MAP3K19: variants seen among roughly 807,000 people sequenced by gnomAD.
The protein encoded by MAP3K19 is mitogen-activated protein kinase kinase kinase 19.
In MAP3K19, 91 loss-of-function variants were observed where a neutral mutation model predicts 114.4. That is an observed-to-expected ratio of 0.80 (90% CI 0.67 to 0.95). The LOEUF (loss-of-function observed/expected upper bound fraction) is 0.95. Among genes scored for constraint, MAP3K19 ranks in the 40% least tolerant of loss-of-function variants. The probability of loss-of-function intolerance (pLI) is 0.00; values close to 1 mark genes in which losing one functional copy is unlikely to be tolerated. For synonymous variants in MAP3K19, 518 were observed against 530.5 expected, an observed-to-expected ratio of 0.98 and a Z score of 0.32; for missense variants, 1,471 against 1,573.2, an observed-to-expected ratio of 0.94 and a Z score of 1.10.
chr2:135,008,664 C>A (rs950519481), intron 5 of MAP3K19, among the ~76,000 whole-genome samples: 2 of 152,166 alleles, frequency 1.3e-5, no homozygotes, highest in Admixed American at 6.5e-5. Context: ...TATTTATAAT[C>A]CACCAGCAGT....
At position 134,980,688 on chromosome 2, in the gene MAP3K19, C is replaced by T. The variant is rs576260866; in HGVS notation, c.3920+133G>A. 8.4e-5 allele frequency: 63 copies of T among 753,612 alleles called. No individual in the cohort carries two copies. In the Middle Eastern group the frequency reaches 1.2e-3, roughly 14 times the overall value. 46.7% of individuals were successfully genotyped at this position (753,612 alleles called of 1,614,324 possible). A position where few individuals can be genotyped will look rare whatever the true frequency, so the allele number is the denominator to read the frequency against. ...CAATATGACTGATTATGATTACTTTCGGCACAAAATCACTGTCTACTTGAC... is the reference window on the plus strand; with the variant it reads ...CAATATGACTGATTATGATTACTTTTGGCACAAAATCACTGTCTACTTGAC... On this transcript the variant is annotated intron_variant, in intron 12 of 12. Coordinates refer to ENST00000392915, the MANE Select transcript of MAP3K19 (RefSeq NM_025052.5).
intron 9 of MAP3K19, 64 bp downstream of exon 9, chr2:134,991,473 T>C (rs753425044): frequency 7.1e-7 from 1 of 1,413,508 alleles, no homozygotes; most frequent in South Asian, 1.1e-5. Context: ...GATTTGGTTC[T>C]AAATTAGTGA....
Position 134,999,953 on chromosome 2 carries a change from C to T in MAP3K19, c.298G>A (p.Asp100Asn). Reference protein sequence around the residue: ...VSPPQEMSQEDLKEKNLINSS... With the variant: ...VSPPQEMSQENLKEKNLINSS... ...ATTCCTTACTTCTTTTCTTTTAAGTCTTCTTGGCTCATTTCTTGGGGAGGA... is the reference window on the plus strand; with the variant it reads ...ATTCCTTACTTCTTTTCTTTTAAGTTTTCTTGGCTCATTTCTTGGGGAGGA... The change falls in exon 7 of 13, where the codon GAC becomes AAC. Residue 100 changes from aspartate to asparagine, a missense_variant. Physicochemically the swap from Asp to Asn is conservative, Grantham distance 23. Transcript: ENST00000392915. This position sits in a 1 kb window ranked among gnomAD's most constrained non-coding sequence, Gnocchi z 4.1. 1 of 1,608,980 alleles carries T rather than the reference C, an allele frequency of 6.2e-7. No homozygotes were observed. The highest frequency in any genetic ancestry group is 2.2e-5 in the East Asian group (1 of 44,800).
chr2:135,039,079 C>T (rs1688593086), intron 2 of MAP3K19, among the ~76,000 whole-genome samples: 1 of 150,368 alleles, frequency 6.7e-6, no homozygotes, highest in African/African-American at 2.5e-5. Flanking sequence ...TAATTTTTGG[C>T]CTGGGTGTTG....
At position 134,987,235 on chromosome 2, in the gene MAP3K19, T is replaced by C. The variant is rs1160900832; in HGVS notation, c.1637A>G (p.Lys546Arg). ...SKLDSKTKTS[K>R]KTPQNFVIST... ...AATCACAAAATTCTGAGGTGTCTTC[T>C]TACTTGTCTTGGTCTTTGAATCCAA... is the stretch of plus-strand genomic sequence containing the variant. The change falls in exon 10 of 13, where the codon AAG (lysine) becomes AGG (arginine). Residue 546 changes from lysine (K) to arginine (R), a missense_variant. By Grantham distance (26) the Lys-to-Arg change is conservative. Coordinates refer to ENST00000392915, the MANE Select transcript of MAP3K19 (RefSeq NM_025052.5). 6.2e-7 allele frequency: 1 copy of C among 1,614,192 alleles called. No individual in the cohort carries two copies. Among genetic ancestry groups the C allele is most frequent in the South Asian group, 1.1e-5 (1 of 91,080 alleles).
intron 6 of MAP3K19, among the ~76,000 whole-genome samples, chr2:135,002,189 TAG>T (rs1484969249): frequency 6.6e-6 from 1 of 152,078 alleles, no homozygotes; most frequent in South Asian, 2.1e-4. Flanking sequence ...AATATTACCA[TAG>T]AGAGAAATTA....
At chr2:135,037,408 G>A (rs1280870505) in intron 2 of MAP3K19, among the ~76,000 whole-genome samples, 2 of 152,202 alleles carry the variant, frequency 1.3e-5, no homozygotes, top group South Asian at 2.1e-4. Flanking sequence ...GCTGCTTGGA[G>A]TTCTGTTGAC....
chr2:135,026,375 G>A (rs1181303398), intron 3 of MAP3K19, among the ~76,000 whole-genome samples: 6 of 152,034 alleles, frequency 3.9e-5, no homozygotes, highest in Admixed American at 3.9e-4. Flanking sequence ...TTTATCAATT[G>A]GCCAAACTAT....
At position 135,032,765 on chromosome 2, in the gene MAP3K19, C is replaced by A. The variant is rs376699251; in HGVS notation, c.-283-2265G>T. On this transcript the variant is annotated intron_variant, in intron 2 of 12. Coordinates refer to ENST00000392915, the MANE Select transcript of MAP3K19 (RefSeq NM_025052.5). The stretch of plus-strand genomic sequence containing the variant: ...CCTAGGCAGAGGACCCTGCAGCCTT[C>A]CGCAGTGTTTGTGTCCCTGGGTACT... Among the ~76,000 whole-genome samples, 13 of 146,412 alleles carry A rather than the reference C, an allele frequency of 8.9e-5. No individual in the cohort carries two copies. The South Asian group carries it at 1.6e-3, about 18-fold the overall frequency.
intron 9 of MAP3K19, among the ~76,000 whole-genome samples, chr2:134,988,865 CTCT>C (rs1685362057): frequency 1.3e-5 from 2 of 152,028 alleles, no homozygotes; most frequent in Admixed American, 6.6e-5. Context: ...CATTTTATTT[CTCT>C]TCTTTTTTCT....
chr2:135,035,811 C>T (rs1246123757), intron 2 of MAP3K19, among the ~76,000 whole-genome samples: 2 of 152,138 alleles, frequency 1.3e-5, no homozygotes, highest in African/African-American at 4.8e-5. Context: ...ATCAAGTCAC[C>T]TTTCTATACT....
Position 134,986,588 on chromosome 2 carries a change from TA to T in MAP3K19, c.2283del (p.Ile762PhefsTer8). ...SNLHDIENGD[G>X]ISEPDWQIKS... ...TTTATCTGCCAGTCTGGTTCTGAAATACCATCACCATTTTCAATGTCATGTA... is the reference window on the plus strand; with the variant it reads ...TTTATCTGCCAGTCTGGTTCTGAAATCCATCACCATTTTCAATGTCATGTA... On this transcript the variant is annotated frameshift_variant, in exon 10 of 13. Coordinates refer to ENST00000392915, the MANE Select transcript of MAP3K19 (RefSeq NM_025052.5). LOFTEE classifies it high-confidence loss of function. 6.2e-7 allele frequency: 1 copy of T among 1,614,212 alleles called. No individual in the cohort carries two copies. Among genetic ancestry groups the T allele is most frequent in the Non-Finnish European group, 8.5e-7 (1 of 1,180,030 alleles).
intron 5 of MAP3K19, 46 bp downstream of exon 5, chr2:135,021,663 AAGTAGT>A: frequency 1.0e-6 from 1 of 954,214 alleles, no homozygotes; most frequent in Non-Finnish European, 1.6e-6. Context: ...AACACAAATA[AAGTAGT>A]AGATGGAGTA....
At chr2:135,019,005 G>A (rs894833880) in intron 5 of MAP3K19, among the ~76,000 whole-genome samples, 9 of 151,878 alleles carry the variant, frequency 5.9e-5, no homozygotes, top group African/African-American at 1.7e-4. Context: ...AAATTGCTTG[G>A]GAGGCAGAGG....
chr2:135,018,748 C>T (rs1687767773), intron 5 of MAP3K19, among the ~76,000 whole-genome samples: 1 of 152,004 alleles, frequency 6.6e-6, no homozygotes, highest in African/African-American at 2.4e-5. Context: ...GAACAACAGG[C>T]AAAAATACGT....
chr2:135,036,072 G>C (rs1348448784), intron 2 of MAP3K19, among the ~76,000 whole-genome samples: 1 of 152,070 alleles, frequency 6.6e-6, no homozygotes, highest in Non-Finnish European at 1.5e-5. Flanking sequence ...AACCTCAAGT[G>C]ATCCGCCCGC....
At position 134,987,712 on chromosome 2, in the gene MAP3K19, A is replaced by G; in HGVS notation, c.1160T>C (p.Val387Ala). ...AKNYEQDPEIVCTIPSKFQET... is the reference protein window; with the variant it reads ...AKNYEQDPEIACTIPSKFQET... ...TTGGAACTTGCTTGGAATGGTACAT[A>G]CTATTTCTGGATCTTGTTCATAGTT... The change falls in exon 10 of 13, where the codon GTA becomes GCA. Residue 387 changes from valine to alanine, a missense_variant. Physicochemically the swap from Val to Ala is moderately conservative, Grantham distance 64. Coordinates refer to ENST00000392915, the MANE Select transcript of MAP3K19 (RefSeq NM_025052.5). The G allele has an allele frequency of 6.2e-7, 1 of 1,612,372 alleles. No individual in the cohort carries two copies. Among genetic ancestry groups the G allele is most frequent in the African/African-American group, 1.3e-5 (1 of 75,048 alleles).
chr2:134,975,001 AAGTCTGTGATTGTTAGTGG>A (rs1684128818), intron 12 of MAP3K19, among the ~76,000 whole-genome samples: 2 of 152,108 alleles, frequency 1.3e-5, no homozygotes, highest in Non-Finnish European at 2.9e-5. Context: ...CTCAGCGGCT[AAGTCTGTGATTGTTAGTGG>A]AGTCTGTGGT....
At chr2:134,969,355 A>G (rs1040658945) in intron 12 of MAP3K19, among the ~76,000 whole-genome samples, 1 of 151,876 alleles carries the variant, frequency 6.6e-6, no homozygotes, top group African/African-American at 2.4e-5. Flanking sequence ...AGAGAGGGAG[A>G]GGGAGACCGT....
Sources: gnomAD v4.1 joint callset for allele counts (sites outside exome capture counted in the v4.1 genomes callset) on GRCh38, gnomAD v4.1.1 for gene constraint, Gnocchi (gnomAD v3.1) non-coding constraint, MANE v1.5 for transcripts, NCBI Gene and HGNC (gene_info 2026-07-23, HGNC 2026-07-21) for gene names.